Variants in ADCY1 observed in about 807,000 individuals in gnomAD.
The protein encoded by ADCY1 is adenylate cyclase 1.
ADCY1 carries 28 observed loss-of-function variants against 105.4 expected under a neutral mutation model. That is an observed-to-expected ratio of 0.27 (90% CI 0.20 to 0.36). The LOEUF is 0.36. Ranked by LOEUF, ADCY1 falls within the 10% of genes least tolerant of loss-of-function variation. The probability of loss-of-function intolerance (pLI) is 1.00; values close to 1 mark genes in which losing one functional copy is unlikely to be tolerated. For synonymous variants in ADCY1, 655 were observed against 623.8 expected (o/e 1.05, Z -0.75); for missense variants, 977 against 1,434.2 (o/e 0.68, Z 5.15).
At chr7:45,662,994 C>T (rs1795173282) in intron 8 of ADCY1, among the ~76,000 whole-genome samples, 1 of 152,232 alleles carries the variant, frequency 6.6e-6, no homozygotes, top group African/African-American at 2.4e-5. Context: ...AGAATAGCGT[C>T]TCCACTGCAG....
At chr7:45,642,033 T>C (rs968827450) in intron 4 of ADCY1, among the ~76,000 whole-genome samples, 10 of 151,866 alleles carry the variant, frequency 6.6e-5, no homozygotes. Flanking sequence ...TTTTAATATT[T>C]GGAGGTGACT....
chr7:45,596,472 C>T (rs1289158719), intron 2 of ADCY1, among the ~76,000 whole-genome samples: 3 of 152,042 alleles, frequency 2.0e-5, no homozygotes, highest in African/African-American at 7.2e-5. Flanking sequence ...GATGGATGTA[C>T]CCTGGTCCTA....
At chr7:45,627,601 G>A (rs1288552962) in intron 4 of ADCY1, among the ~76,000 whole-genome samples, 3 of 152,182 alleles carry the variant, frequency 2.0e-5, no homozygotes, top group Non-Finnish European at 4.4e-5. Flanking sequence ...ACCTGAAGCT[G>A]GGGGACCTCT....
chr7:45,679,480 C>T (rs1270994131), intron 10 of ADCY1, among the ~76,000 whole-genome samples: 1 of 152,164 alleles, frequency 6.6e-6, no homozygotes, highest in Non-Finnish European at 1.5e-5. Context: ...GGGAGGTAGA[C>T]TCAGGAGGGG....
At chr7:45,641,423 T>TA (rs2116026392) in intron 4 of ADCY1, among the ~76,000 whole-genome samples, 1 of 152,302 alleles carries the variant, frequency 6.6e-6, no homozygotes, top group African/African-American at 2.4e-5. Flanking sequence ...CAACAATTGT[T>TA]AATGTCTGGT....
At position 45,592,653 on chromosome 7, in the gene ADCY1, C is replaced by T. The variant is rs576410352; in HGVS notation, c.640-106C>T. ...CCCTGCGCTGTGGGTTTGGCCCGGGCGGCGTGGCTTTTGGAGAGCTCTTGC... is the reference window on the plus strand; with the variant it reads ...CCCTGCGCTGTGGGTTTGGCCCGGGTGGCGTGGCTTTTGGAGAGCTCTTGC... On this transcript the variant is annotated intron_variant, in intron 1 of 19. Transcript: ENST00000297323. The T allele has an allele frequency of 9.2e-5, 138 of 1,496,328 alleles. No homozygotes were observed. The African/African-American group carries it at 1.4e-3, about 15-fold the overall frequency. The allele number at this position is 1,496,328 out of a possible 1,614,324, so 92.7% of individuals were successfully genotyped here. A position where few individuals can be genotyped will look rare whatever the true frequency, so the allele number is the denominator to read the frequency against.
intron 10 of ADCY1, 77 bp downstream of exon 10, chr7:45,678,340 G>A: frequency 7.2e-7 from 1 of 1,398,334 alleles, no homozygotes; most frequent in Non-Finnish European, 1.0e-6. Flanking sequence ...TGTTTCTGGG[G>A]TTCGTGGTTG....
intron 5 of ADCY1, 118 bp from the exon 6 acceptor site, chr7:45,657,609 T>G: frequency 9.0e-7 from 1 of 1,114,428 alleles, no homozygotes; most frequent in Admixed American, 2.3e-5. Context: ...TCAGGCCACA[T>G]GCAGCAAGGA....
At chr7:45,698,186 CACAT>C in intron 14 of ADCY1, among the ~76,000 whole-genome samples, 1 of 152,108 alleles carries the variant, frequency 6.6e-6, no homozygotes, top group African/African-American at 2.4e-5. Flanking sequence ...CACACACACA[CACAT>C]ACACCACTTA....
At chr7:45,688,962 A>C (rs1285655334) in intron 14 of ADCY1, among the ~76,000 whole-genome samples, 1 of 150,564 alleles carries the variant, frequency 6.6e-6, no homozygotes, top group Non-Finnish European at 1.5e-5. Flanking sequence ...TTCCCATTTC[A>C]TTTATTTTTC....
chr7:45,682,514 A>G (rs946780278), intron 11 of ADCY1, among the ~76,000 whole-genome samples: 62 of 152,296 alleles, frequency 4.1e-4, no homozygotes, highest in Non-Finnish European at 6.5e-4. Context: ...AGGCACATTC[A>G]GAGGCCCTTG....
chr7:45,712,113 T>G (rs1785269602), intron 19 of ADCY1, among the ~76,000 whole-genome samples: 1 of 136,868 alleles, frequency 7.3e-6, no homozygotes, highest in East Asian at 2.0e-4. Context: ...TTTTATAATT[T>G]TATAAATTTT....
At chr7:45,589,055 C>A (rs577676190) in intron 1 of ADCY1, among the ~76,000 whole-genome samples, 60 of 152,248 alleles carry the variant, frequency 3.9e-4, no homozygotes, top group Admixed American at 3.0e-3. Context: ...CAGTTGTCAC[C>A]AATCTGCCCA....
intron 6 of ADCY1, among the ~76,000 whole-genome samples, chr7:45,658,241 A>G (rs757294622): frequency 3.3e-5 from 5 of 152,064 alleles, no homozygotes; most frequent in Non-Finnish European, 7.4e-5. Flanking sequence ...CTTTGATTTC[A>G]TTTTCTCAAT....
chr7:45,664,597 A>G (rs1352627362), intron 8 of ADCY1: 7 of 1,068,364 alleles, frequency 6.6e-6, no homozygotes, highest in Non-Finnish European at 8.7e-6. Context: ...CAAAAAAGCT[A>G]TCATGAACAT....
intron 4 of ADCY1, among the ~76,000 whole-genome samples, chr7:45,634,202 T>G (rs1212777584): frequency 6.6e-6 from 1 of 152,170 alleles, no homozygotes; most frequent in Non-Finnish European, 1.5e-5. Context: ...TCTTCTGCCT[T>G]TCCCGCTTGG....
intron 5 of ADCY1, 21 bp from the exon 6 acceptor site, chr7:45,657,706 C>T (rs773238750): frequency 3.0e-5 from 48 of 1,608,130 alleles, no homozygotes; most frequent in Non-Finnish European, 3.8e-5. Flanking sequence ...CCTAGCCCCA[C>T]GCTCTGTGTC....
At chr7:45,651,256 C>T (rs1031765511) in intron 5 of ADCY1, among the ~76,000 whole-genome samples, 2 of 152,144 alleles carry the variant, frequency 1.3e-5, no homozygotes, top group African/African-American at 4.8e-5. Flanking sequence ...ACCCTTCTTC[C>T]TCCTCAGACT....
At chr7:45,594,150 C>T (rs1793006129) in intron 2 of ADCY1, among the ~76,000 whole-genome samples, 1 of 151,928 alleles carries the variant, frequency 6.6e-6, no homozygotes, top group South Asian at 2.1e-4. Context: ...GATGTGTTTG[C>T]GTGGGCATGC....
Sources: gnomAD v4.1 joint callset for allele counts (sites outside exome capture counted in the v4.1 genomes callset) on GRCh38, gnomAD v4.1.1 for gene constraint, MANE v1.5 for transcripts, NCBI Gene and HGNC (gene_info 2026-07-23, HGNC 2026-07-21) for gene names.